EML5: variants seen among roughly 807,000 people sequenced by gnomAD.
The protein encoded by EML5 is echinoderm microtubule-associated protein-like 5.
EML5 carries 120 observed loss-of-function variants against 250.0 expected under a neutral mutation model. The observed-to-expected ratio is 0.48, with a 90% CI of 0.41 to 0.56. The LOEUF is 0.56. Among genes scored for constraint, EML5 ranks in the 20% least tolerant of loss-of-function variants. The pLI, the probability that EML5 is intolerant of heterozygous loss-of-function variation, is 0.00. For missense variants in EML5, 2,006 were observed against 2,437.6 expected (o/e 0.82, Z 3.73); for synonymous variants, 771 against 806.5 (o/e 0.96, Z 0.75).
At chr14:88,713,329 C>A (rs958667038) in intron 9 of EML5, among the ~76,000 whole-genome samples, 2 of 151,714 alleles carry the variant, frequency 1.3e-5, no homozygotes, top group Admixed American at 1.3e-4. Flanking sequence ...GAGGCAGAGG[C>A]TGTAGTGAGC....
Position 88,682,049 on chromosome 14 carries a change from G to T in EML5, c.2983-18C>A. 1.3e-6 allele frequency: 2 copies of T among 1,573,730 alleles called. No individual in the cohort carries two copies. Among genetic ancestry groups the T allele is most frequent in the South Asian group, 1.2e-5 (1 of 82,656 alleles). ...ATGTGTCCCTATAAAGAAAACATAG[G>T]ATCAATTTAGTGTATGTGTGTGTAT... On this transcript the variant is annotated intron_variant, in intron 20 of 43. Coordinates refer to ENST00000554922, the MANE Select transcript of EML5 (RefSeq NM_183387.3).
At chr14:88,721,242 C>T (rs77474488) in intron 8 of EML5, among the ~76,000 whole-genome samples, 1 of 152,088 alleles carries the variant, frequency 6.6e-6, no homozygotes, top group Non-Finnish European at 1.5e-5. Context: ...CACTGATATT[C>T]TTCAAAGAAT....
intron 1 of EML5, among the ~76,000 whole-genome samples, chr14:88,778,245 C>T (rs2094465192): frequency 6.6e-6 from 1 of 152,056 alleles, no homozygotes; most frequent in South Asian, 2.1e-4. Context: ...AATGAAACAA[C>T]AAGAAAACAA....
intron 30 of EML5, among the ~76,000 whole-genome samples, chr14:88,643,871 C>T (rs930640171): frequency 2.0e-5 from 3 of 152,144 alleles, no homozygotes; most frequent in Admixed American, 6.5e-5. Context: ...CAATCACCAT[C>T]GCACAGCTTT....
intron 34 of EML5, 138 bp from the exon 35 acceptor site, chr14:88,627,184 C>T: frequency 2.7e-6 from 2 of 734,610 alleles, no homozygotes; most frequent in Non-Finnish European, 4.5e-6. Flanking sequence ...TACTACCTAG[C>T]AATACATGAT....
At chr14:88,732,044 T>G (rs1352463502) in intron 7 of EML5, among the ~76,000 whole-genome samples, 1 of 152,204 alleles carries the variant, frequency 6.6e-6, no homozygotes, top group East Asian at 1.9e-4. Flanking sequence ...TAGTTTCTTT[T>G]GCTGTGCAGA....
At position 88,694,394 on chromosome 14, in the gene EML5, T is replaced by C; in HGVS notation, c.2452A>G (p.Lys818Glu). Reference sequence around the variant, plus strand: ...GGGTTCATCTTTACAACAAAAATCTTATCTTTACTTCCTCTGAAATAAACA... The same window carrying C: ...GGGTTCATCTTTACAACAAAAATCTCATCTTTACTTCCTCTGAAATAAACA... ...KLSIARGSKD[K>E]IFVVKMNPYV... Residue 818 changes from lysine (K) to glutamate (E), a missense_variant, in exon 17 of 44, where the codon AAG (lysine) becomes GAG (glutamate). Physicochemically the swap from Lys to Glu is moderately conservative, Grantham distance 56. Coordinates refer to ENST00000554922, the MANE Select transcript of EML5 (RefSeq NM_183387.3). 6.3e-7 allele frequency: 1 copy of C among 1,575,234 alleles called. No individual in the cohort carries two copies. Among genetic ancestry groups the C allele is most frequent in the Non-Finnish European group, 8.6e-7 (1 of 1,157,658 alleles).
intron 21 of EML5, among the ~76,000 whole-genome samples, chr14:88,671,345 A>G (rs1250224772): frequency 6.6e-6 from 1 of 152,190 alleles, no homozygotes; most frequent in Non-Finnish European, 1.5e-5. Context: ...TTTTTAGACA[A>G]GCAAATGCTG....
chr14:88,647,144 C>T (rs1410993870), intron 28 of EML5, among the ~76,000 whole-genome samples, 189 bp from the exon 29 acceptor site: 1 of 152,036 alleles, frequency 6.6e-6, no homozygotes, highest in Non-Finnish European at 1.5e-5. Flanking sequence ...AGGAGGATCA[C>T]GAGGTCAGGA....
intron 20 of EML5, 80 bp downstream of exon 20, chr14:88,684,935 A>C: frequency 8.2e-7 from 1 of 1,219,374 alleles, no homozygotes; most frequent in Non-Finnish European, 1.1e-6. Flanking sequence ...ATTTTTCATC[A>C]CTGTCAACTT....
chr14:88,627,214 G>T, intron 34 of EML5, 168 bp from the exon 35 acceptor site: 1 of 645,472 alleles, frequency 1.5e-6, no homozygotes, highest in Non-Finnish European at 2.6e-6. Context: ...TTTGTGTATT[G>T]AGTCCTTTTC....
chr14:88,773,192 C>T (rs1378466555), intron 1 of EML5, among the ~76,000 whole-genome samples: 1 of 152,330 alleles, frequency 6.6e-6, no homozygotes, highest in East Asian at 1.9e-4. Context: ...GGCACTGGGT[C>T]ATAGTACACC....
chr14:88,718,202 GC>G (rs2093532897), intron 8 of EML5, among the ~76,000 whole-genome samples: 1 of 152,170 alleles, frequency 6.6e-6, no homozygotes, highest in Non-Finnish European at 1.5e-5. Flanking sequence ...AGTTGCAGGT[GC>G]CTTTGAGACA....
chr14:88,665,299 C>A (rs1345726732), intron 22 of EML5, 38 bp downstream of exon 22: 2 of 1,578,954 alleles, frequency 1.3e-6, no homozygotes, highest in South Asian at 1.2e-5. Context: ...ACTGCCAGAC[C>A]CAAGTTAATA....
At chr14:88,714,678 A>C (rs1369510240) in intron 9 of EML5, among the ~76,000 whole-genome samples, 2 of 152,160 alleles carry the variant, frequency 1.3e-5, no homozygotes, top group Non-Finnish European at 2.9e-5. Context: ...ACAATTTTTA[A>C]TGTCAATTAT....
At chr14:88,789,357 C>G (rs1263519243) in intron 1 of EML5, among the ~76,000 whole-genome samples, 1 of 152,074 alleles carries the variant, frequency 6.6e-6, no homozygotes, top group Non-Finnish European at 1.5e-5. Context: ...CCATATAAAC[C>G]AGTTACTAAG....
At chr14:88,713,746 G>A (rs2093444271) in intron 9 of EML5, among the ~76,000 whole-genome samples, 1 of 143,476 alleles carries the variant, frequency 7.0e-6, no homozygotes, top group African/African-American at 2.6e-5. Context: ...GTGAGGCACT[G>A]CACATAGCCT....
At chr14:88,624,772 T>C (rs898145489) in intron 36 of EML5, 198 bp downstream of exon 36, 11 of 598,712 alleles carry the variant, frequency 1.8e-5, no homozygotes, top group Non-Finnish European at 3.1e-5. Flanking sequence ...CACCCCAACA[T>C]GAAAAAAATT....
chr14:88,769,627 A>G (rs1375285464), intron 1 of EML5, among the ~76,000 whole-genome samples: 1 of 152,104 alleles, frequency 6.6e-6, no homozygotes, highest in African/African-American at 2.4e-5. Context: ...TTCAATTAAA[A>G]CCTTATTTAC....
Sources: allele counts gnomAD v4.1 joint callset (sites outside exome capture counted in the v4.1 genomes callset), GRCh38; gene constraint gnomAD v4.1.1; transcripts MANE v1.5; gene names NCBI Gene and HGNC (gene_info 2026-07-23, HGNC 2026-07-21).